CCSER2: variants seen among roughly 807,000 people sequenced by gnomAD.
CCSER2 encodes serine-rich coiled-coil domain-containing protein 2.
CCSER2 carries 46 observed loss-of-function variants against 92.3 expected under a neutral mutation model. The ratio of observed to expected loss-of-function variants is 0.50; its 90% confidence interval spans 0.39 to 0.64. CCSER2 has a LOEUF of 0.64. CCSER2 is among the 30% of genes least tolerant of loss of function. The pLI, the probability that CCSER2 is intolerant of heterozygous loss-of-function variation, is 0.00. For missense variants in CCSER2, 1,244 were observed against 1,238.9 expected, an observed-to-expected ratio of 1.00 and a Z score of -0.06; for synonymous variants, 433 against 431.4, an observed-to-expected ratio of 1.00 and a Z score of -0.04.
intron 3 of CCSER2, among the ~76,000 whole-genome samples, chr10:84,402,087 G>A (rs1350441727): frequency 2.0e-5 from 3 of 152,090 alleles, no homozygotes; most frequent in Non-Finnish European, 4.4e-5. Flanking sequence ...CTTGTGCTCC[G>A]CATGTGGCCT....
At chr10:84,411,877 G>T (rs1564638116) in intron 3 of CCSER2, among the ~76,000 whole-genome samples, 1 of 152,178 alleles carries the variant, frequency 6.6e-6, no homozygotes. Context: ...GGGCATCCTT[G>T]TCTTGTGCTG....
chr10:84,476,435 CTTTTTT>C (rs35978182), intron 8 of CCSER2, among the ~76,000 whole-genome samples: 3 of 58,510 alleles, frequency 5.1e-5, no homozygotes, highest in Non-Finnish European at 9.0e-5. Flanking sequence ...AATTCTCTCT[CTTTTTT>C]TTTTTTTTTT....
chr10:84,490,241 T>C (rs1298371632), intron 9 of CCSER2, among the ~76,000 whole-genome samples: 1 of 152,200 alleles, frequency 6.6e-6, no homozygotes, highest in Non-Finnish European at 1.5e-5. Flanking sequence ...TCTCGAGGAT[T>C]ATCTTTGCGG....
intron 5 of CCSER2, among the ~76,000 whole-genome samples, chr10:84,430,667 T>C (rs1294298276): frequency 6.6e-6 from 1 of 152,246 alleles, no homozygotes; most frequent in East Asian, 1.9e-4. Context: ...CTTGTTGTAA[T>C]GCTTTTGGTT....
At chr10:84,457,272 T>TTATATATA (rs1564684493) in intron 6 of CCSER2, among the ~76,000 whole-genome samples, 8 of 16,842 alleles carry the variant, frequency 4.8e-4, no homozygotes, top group Non-Finnish European at 6.4e-4. Flanking sequence ...ATATTATATA[T>TTATATATA]AATATATTAT....
chr10:84,469,999 CTTTTTTGTATGTGA>C (rs1210079675), intron 7 of CCSER2, among the ~76,000 whole-genome samples: 7 of 140,002 alleles, frequency 5.0e-5, no homozygotes, highest in African/African-American at 1.8e-4. Flanking sequence ...GCTGAAGTTG[CTTTTTTGTATGTGA>C]TTTTTTTTTT....
intron 3 of CCSER2, among the ~76,000 whole-genome samples, chr10:84,386,717 C>A (rs1371146821): frequency 6.6e-6 from 1 of 152,172 alleles, no homozygotes; most frequent in Non-Finnish European, 1.5e-5. Context: ...GGCAACAGAG[C>A]AAGACTCTTT....
chr10:84,481,134 C>A (rs1400376712), intron 9 of CCSER2, among the ~76,000 whole-genome samples: 1 of 151,994 alleles, frequency 6.6e-6, no homozygotes. Flanking sequence ...TTAAAAAAAG[C>A]CCCTGATATT....
intron 1 of CCSER2, among the ~76,000 whole-genome samples, chr10:84,343,731 C>T (rs995270527): frequency 2.0e-4 from 30 of 152,300 alleles, no homozygotes; most frequent in African/African-American, 5.3e-4. Context: ...TGTATGGAAA[C>T]GGCTCTGGCT....
chr10:84,489,807 G>A (rs967889511), intron 9 of CCSER2, among the ~76,000 whole-genome samples: 1 of 152,118 alleles, frequency 6.6e-6, no homozygotes, highest in Middle Eastern at 3.2e-3. Context: ...TATGTTGCTC[G>A]TTAGTTGATG....
chr10:84,415,001 C>G (rs1041672783), intron 3 of CCSER2, among the ~76,000 whole-genome samples: 1 of 152,150 alleles, frequency 6.6e-6, no homozygotes, highest in Non-Finnish European at 1.5e-5. Context: ...TCCATCAGGT[C>G]AGTTATGTTC....
At chr10:84,482,763 G>A (rs772519602) in intron 9 of CCSER2, among the ~76,000 whole-genome samples, 1 of 152,036 alleles carries the variant, frequency 6.6e-6, no homozygotes, top group African/African-American at 2.4e-5. Context: ...AGACCCAAAG[G>A]ATCTACCTGA....
chr10:84,408,492 A>T (rs1343728535), intron 3 of CCSER2, among the ~76,000 whole-genome samples: 3 of 146,310 alleles, frequency 2.1e-5, no homozygotes, highest in Admixed American at 6.8e-5. Context: ...TTCCTTTTCG[A>T]CTGGGCTTTT....
At chr10:84,451,083 G>T (rs1845253341) in intron 6 of CCSER2, among the ~76,000 whole-genome samples, 1 of 152,208 alleles carries the variant, frequency 6.6e-6, no homozygotes, top group East Asian at 1.9e-4. Context: ...TAAGATTTGT[G>T]TACATTGAAA....
At chr10:84,347,033 A>G (rs1279509587) in intron 1 of CCSER2, among the ~76,000 whole-genome samples, 1 of 152,140 alleles carries the variant, frequency 6.6e-6, no homozygotes, top group African/African-American at 2.4e-5. Flanking sequence ...CACATCTTGC[A>G]CCGCCCTTAA....
intron 9 of CCSER2, among the ~76,000 whole-genome samples, chr10:84,503,043 T>G (rs1323436824): frequency 2.0e-5 from 3 of 151,906 alleles, no homozygotes; most frequent in Non-Finnish European, 4.4e-5. Context: ...GTTAACACGG[T>G]GAAACCGCAT....
At chr10:84,470,005 T>C (rs1307563563) in intron 7 of CCSER2, among the ~76,000 whole-genome samples, 1 of 150,312 alleles carries the variant, frequency 6.7e-6, no homozygotes, top group Non-Finnish European at 1.5e-5. Context: ...GTTGCTTTTT[T>C]GTATGTGATT....
intron 3 of CCSER2, among the ~76,000 whole-genome samples, chr10:84,393,429 G>GTGTA (rs1469796411): frequency 5.3e-5 from 8 of 152,186 alleles, no homozygotes; most frequent in Non-Finnish European, 8.8e-5. Flanking sequence ...CTGTATTTCA[G>GTGTA]TGTTTTATCC....
At position 84,371,801 on chromosome 10, in the gene CCSER2, T is replaced by C; in HGVS notation, c.749T>C (p.Leu250Pro). 1.2e-6 allele frequency: 2 copies of C among 1,613,860 alleles called. No individual in the cohort carries two copies. The highest frequency in any genetic ancestry group is 1.7e-6 in the Non-Finnish European group (2 of 1,179,826). ...CATTCCTTTAATAGAGCTGTGGATC[T>C]TACAAAGCCTTATCAGAACCAACAG... ...RSHSFNRAVD[L>P]TKPYQNQQLS... The change falls in exon 2 of 10, where the codon CTT becomes CCT. Residue 250 changes from leucine (L) to proline (P), a missense_variant. Transcript: ENST00000372088.
Sources: gnomAD v4.1 joint callset for allele counts (sites outside exome capture counted in the v4.1 genomes callset) on GRCh38, gnomAD v4.1.1 for gene constraint, MANE v1.5 for transcripts, NCBI Gene and HGNC (gene_info 2026-07-23, HGNC 2026-07-21) for gene names.